Variants in BORCS5 observed in about 807,000 individuals in gnomAD.
The protein encoded by BORCS5 is BLOC-1 related complex subunit 5.
A neutral mutation model predicts 22.1 loss-of-function variants in BORCS5; 17 were observed. The ratio of observed to expected loss-of-function variants is 0.77; its 90% CI spans 0.53 to 1.15. The LOEUF is 1.15. BORCS5 is among the 50% of genes most tolerant of loss of function. The pLI, the probability that BORCS5 is intolerant of heterozygous loss-of-function variation, is 0.00. For missense variants in BORCS5, 247 were observed against 253.2 expected (o/e 0.98, Z 0.17); for synonymous variants, 117 against 99.8 (o/e 1.17, Z -1.03).
At chr12:12,363,923 C>T (rs1193478579) in intron 2 of BORCS5, among the ~76,000 whole-genome samples, 1 of 151,926 alleles carries the variant, frequency 6.6e-6, no homozygotes, top group Non-Finnish European at 1.5e-5. Context: ...CTGCATATAA[C>T]TTTCAACTTA....
At chr12:12,438,176 C>T (rs924405264) in intron 3 of BORCS5, among the ~76,000 whole-genome samples, 3 of 151,834 alleles carry the variant, frequency 2.0e-5, no homozygotes, top group Non-Finnish European at 2.9e-5. Context: ...GCCTGGCCAA[C>T]ATGGTGAAAC....
In BORCS5 at chr12:12,471,224, G is replaced by C. The variant is rs1469806600; in HGVS notation, c.*5448G>C. On this transcript the variant is annotated 3_prime_UTR_variant, in exon 4 of 4. Transcript: ENST00000314565. ...GCAAATAAAGTACAACAATATGACT[G>C]ACTTGTAAATATCTTCCAGGACAAT... 6.6e-6 allele frequency among the ~76,000 whole-genome samples: 1 copy of C among 152,176 alleles called. No individual in the cohort carries two copies. Among genetic ancestry groups the C allele is most frequent in the Non-Finnish European group, 1.5e-5 (1 of 68,026 alleles).
Position 12,433,781 on chromosome 12 carries a change from C to T in BORCS5, c.203-1847C>T, listed in dbSNP as rs115752693. On this transcript the variant is annotated intron_variant, in intron 2 of 3. Coordinates refer to ENST00000314565, the MANE Select transcript of BORCS5 (RefSeq NM_058169.6). Reference sequence around the variant, plus strand: ...AGCAGTGGAATGTGGAGGAGCCTAGCAGTGCCTCGGGTTCCAGCCCTGTAT... The same window carrying T: ...AGCAGTGGAATGTGGAGGAGCCTAGTAGTGCCTCGGGTTCCAGCCCTGTAT... 6.9e-3 allele frequency among the ~76,000 whole-genome samples: 1,057 copies of T among 152,298 alleles called. 13 individuals carry two copies. Among genetic ancestry groups the T allele is most frequent in the African/African-American group, 0.024 (1,001 of 41,564 alleles).
At chr12:12,458,739 G>A (rs979504648) in intron 3 of BORCS5, among the ~76,000 whole-genome samples, 2 of 151,462 alleles carry the variant, frequency 1.3e-5, no homozygotes, top group East Asian at 2.0e-4. Context: ...TTGGGAGGCC[G>A]AGGCAGGTGG....
intron 2 of BORCS5, among the ~76,000 whole-genome samples, chr12:12,422,014 A>T (rs948857202): frequency 6.6e-6 from 1 of 151,802 alleles, no homozygotes; most frequent in Non-Finnish European, 1.5e-5. Context: ...TCCTGGACTC[A>T]TTGATTTTTT....
At position 12,469,164 on chromosome 12, in the gene BORCS5, C is replaced by A. The variant is rs1466586860; in HGVS notation, c.*3388C>A. The stretch of plus-strand genomic sequence containing the variant: ...GGTCAGGAGTTCCAGACCAGCCTGA[C>A]CAACATGGTGAAACCCCATCTCTAC... On this transcript the variant is annotated 3_prime_UTR_variant, in exon 4 of 4. Transcript: ENST00000314565. The A allele has an allele frequency of 6.6e-6, 1 of 152,100 alleles. No individual in the cohort carries two copies. The highest frequency in any genetic ancestry group is 2.4e-5 in the African/African-American group (1 of 41,374). The allele number at this position is 152,100 out of a possible 1,614,324, so 9.4% of individuals were successfully genotyped here. A position where few individuals can be genotyped will look rare whatever the true frequency, so the allele number is the denominator to read the frequency against.
intron 2 of BORCS5, among the ~76,000 whole-genome samples, chr12:12,415,542 A>G (rs1394426114): frequency 3.6e-5 from 1 of 27,906 alleles, no homozygotes; most frequent in Non-Finnish European, 6.2e-5. Context: ...AGACCGTGGA[A>G]GGAGACCGTG....
chr12:12,452,289 A>G, intron 3 of BORCS5: 1 of 781,056 alleles, frequency 1.3e-6, no homozygotes, highest in Non-Finnish European at 2.1e-6. Flanking sequence ...AATCCCATTC[A>G]TGTTTGTCTC....
chr12:12,436,726 T>C (rs149899493), intron 3 of BORCS5, among the ~76,000 whole-genome samples: 24 of 152,342 alleles, frequency 1.6e-4, no homozygotes, highest in Middle Eastern at 6.8e-3. Flanking sequence ...AGTGTATCCT[T>C]GAGATTACAA....
At chr12:12,408,731 C>A (rs1007355028) in intron 2 of BORCS5, among the ~76,000 whole-genome samples, 4 of 152,110 alleles carry the variant, frequency 2.6e-5, no homozygotes, top group African/African-American at 9.7e-5. Context: ...TCAGAATTTT[C>A]TTTTAAAGGC....
chr12:12,409,177 T>C (rs975776420), intron 2 of BORCS5, among the ~76,000 whole-genome samples: 1 of 152,080 alleles, frequency 6.6e-6, no homozygotes, highest in African/African-American at 2.4e-5. Flanking sequence ...CCTTCCCTAA[T>C]GATTAGGGAT....
rs571734941 is a variant in BORCS5, at chr12:12,390,875, A to G, written c.202+29526A>G. On this transcript the variant is annotated intron_variant, in intron 2 of 3. Coordinates refer to ENST00000314565, the MANE Select transcript of BORCS5 (RefSeq NM_058169.6). ...ACCTTCCTTGGCCTCCCAAAGTGCTAGGAGTACAGGCATAAGCCACCACGC... is the reference window on the plus strand; with the variant it reads ...ACCTTCCTTGGCCTCCCAAAGTGCTGGGAGTACAGGCATAAGCCACCACGC... 2.6e-5 allele frequency among the ~76,000 whole-genome samples: 4 copies of G among 152,134 alleles called. No individual in the cohort carries two copies. In the South Asian group the frequency reaches 6.2e-4, roughly 24 times the overall value.
chr12:12,410,707 C>A (rs141280400), intron 2 of BORCS5, among the ~76,000 whole-genome samples: 1 of 152,080 alleles, frequency 6.6e-6, no homozygotes, highest in Admixed American at 6.6e-5. Context: ...CTTGGCAACA[C>A]GGGCTCTTTT....
In BORCS5 at chr12:12,399,278, A is replaced by C. The variant is rs554098407; in HGVS notation, c.203-36350A>C. On this transcript the variant is annotated intron_variant, in intron 2 of 3. Transcript: ENST00000314565. ...GGGAAAAACAACAGTATTGGGGGAA[A>C]AAGTTTGGAAAAATTGGATGGAGGG... Among the ~76,000 whole-genome samples the C allele has an allele frequency of 8.1e-4, 124 of 152,284 alleles. 3 individuals carry two copies. The South Asian group carries it at 0.025, about 31-fold the overall frequency.
At chr12:12,438,956 A>C (rs1355914373) in intron 3 of BORCS5, among the ~76,000 whole-genome samples, 2 of 152,234 alleles carry the variant, frequency 1.3e-5, no homozygotes, top group Non-Finnish European at 2.9e-5. Context: ...CCTAAAGTTA[A>C]CACTTTACAT....
intron 2 of BORCS5, among the ~76,000 whole-genome samples, chr12:12,390,985 AG>A (rs992300840): frequency 1.3e-5 from 2 of 152,022 alleles, no homozygotes; most frequent in Non-Finnish European, 2.9e-5. Context: ...ACACGTTAAA[AG>A]GGGAGGCGGG....
chr12:12,447,768 A>G (rs1019016861), intron 3 of BORCS5, among the ~76,000 whole-genome samples: 2 of 152,114 alleles, frequency 1.3e-5, no homozygotes, highest in Non-Finnish European at 2.9e-5. Context: ...CCAGTTTTCT[A>G]TTGTTTCATT....
chr12:12,428,560 G>T (rs182031998), intron 2 of BORCS5, among the ~76,000 whole-genome samples: 7 of 106,392 alleles, frequency 6.6e-5, no homozygotes, highest in African/African-American at 2.9e-4. Context: ...GTGCATCCCC[G>T]TATTAAACTA....
intron 2 of BORCS5, among the ~76,000 whole-genome samples, chr12:12,361,925 T>C (rs1410753103): frequency 6.6e-6 from 1 of 152,200 alleles, no homozygotes; most frequent in Non-Finnish European, 1.5e-5. Flanking sequence ...AGTTACCTTT[T>C]GAACGAAGGC....
Sources: gnomAD v4.1 joint callset for allele counts (sites outside exome capture counted in the v4.1 genomes callset) on GRCh38, gnomAD v4.1.1 for gene constraint, MANE v1.5 for transcripts, NCBI Gene and HGNC (gene_info 2026-07-23, HGNC 2026-07-21) for gene names.